Variants in APBA2 observed in about 807,000 individuals in gnomAD.
APBA2 encodes amyloid beta precursor protein binding family A member 2.
APBA2 carries 30 observed loss-of-function variants against 75.0 expected under a neutral mutation model. The observed-to-expected ratio is 0.40, with a 90% confidence interval of 0.30 to 0.54. The LOEUF is 0.54. APBA2 is among the 20% of genes least tolerant of loss of function. The pLI, the probability that APBA2 is intolerant of heterozygous loss-of-function variation, is 0.49. For missense variants in APBA2, 801 were observed against 1,016.1 expected (o/e 0.79, Z 2.88); for synonymous variants, 444 against 409.6 (o/e 1.08, Z -1.01).
At chr15:29,069,800 G>A (rs1443774985) in intron 4 of APBA2, among the ~76,000 whole-genome samples, 1 of 152,234 alleles carries the variant, frequency 6.6e-6, no homozygotes, top group African/African-American at 2.4e-5. Flanking sequence ...GGCCATGTGG[G>A]CCCACCTTTG....
intron 2 of APBA2, among the ~76,000 whole-genome samples, chr15:28,927,933 C>T (rs931388572): frequency 2.0e-5 from 3 of 151,082 alleles, no homozygotes; most frequent in African/African-American, 7.3e-5. Context: ...CACCTGAGGT[C>T]GGGTGTTTGA....
intron 2 of APBA2, among the ~76,000 whole-genome samples, chr15:28,992,447 C>T (rs1025993334): frequency 5.9e-5 from 9 of 152,208 alleles, no homozygotes; most frequent in East Asian, 1.9e-4. Context: ...GAAATTTGCA[C>T]GTAGAATAAT....
chr15:28,902,162 GA>G (rs1313024418), intron 1 of APBA2, among the ~76,000 whole-genome samples: 1 of 152,052 alleles, frequency 6.6e-6, no homozygotes, highest in Admixed American at 6.5e-5. Context: ...GCAGAAAGGG[GA>G]AGCAGAAACC....
chr15:29,061,441 C>T (rs745984602), intron 4 of APBA2, among the ~76,000 whole-genome samples: 1 of 152,122 alleles, frequency 6.6e-6, no homozygotes, highest in Non-Finnish European at 1.5e-5. Flanking sequence ...ACCAAATATG[C>T]GTTTTGATTA....
At chr15:29,039,266 C>T (rs573274034) in intron 3 of APBA2, among the ~76,000 whole-genome samples, 5 of 151,706 alleles carry the variant, frequency 3.3e-5, no homozygotes, top group South Asian at 2.1e-4. Context: ...TAAAGAAGGT[C>T]GTATCTTATT....
intron 3 of APBA2, among the ~76,000 whole-genome samples, chr15:29,002,766 C>T (rs1009588308): frequency 4.6e-5 from 7 of 151,682 alleles, no homozygotes; most frequent in Admixed American, 2.6e-4. Flanking sequence ...ACCTTCAGTT[C>T]GAGAATCAGC....
chr15:29,082,507 ACC>A (rs2043127123), intron 6 of APBA2, among the ~76,000 whole-genome samples: 1 of 151,006 alleles, frequency 6.6e-6, no homozygotes, highest in Non-Finnish European at 1.5e-5. Flanking sequence ...CATTTCCCCC[ACC>A]CCTCAGCCCC....
At chr15:28,923,716 G>A (rs1003328895) in intron 2 of APBA2, among the ~76,000 whole-genome samples, 2 of 152,196 alleles carry the variant, frequency 1.3e-5, no homozygotes, top group African/African-American at 4.8e-5. Context: ...GTCCTCCTCT[G>A]AGTGGCTGGG....
At chr15:28,951,638 G>A (rs541176392) in intron 2 of APBA2, among the ~76,000 whole-genome samples, 1 of 152,062 alleles carries the variant, frequency 6.6e-6, no homozygotes, top group African/African-American at 2.4e-5. Context: ...AGGCTGGAGT[G>A]CAGTGGCACG....
In APBA2 at chr15:28,893,444, G is replaced by A. The variant is rs140868058; in HGVS notation, c.-205+7166G>A. Among the ~76,000 whole-genome samples the A allele has an allele frequency of 2.8e-4, 43 of 152,306 alleles. No homozygotes were observed. In the East Asian group the frequency reaches 7.5e-3, roughly 27 times the overall value. ...GGTGATGAATGGACCGATTTTGGCC[G>A]CAGGTCCCTGCACTTCCCATCTGGC... On this transcript the variant is annotated intron_variant, in intron 1 of 14. Transcript: ENST00000683413.
intron 2 of APBA2, among the ~76,000 whole-genome samples, chr15:28,965,085 T>C (rs935085037): frequency 6.6e-6 from 1 of 152,092 alleles, no homozygotes; most frequent in Non-Finnish European, 1.5e-5. Context: ...ATTTTTTTTT[T>C]CTACATGTCT....
chr15:28,919,956 C>A (rs1209056772), intron 1 of APBA2, among the ~76,000 whole-genome samples: 1 of 152,154 alleles, frequency 6.6e-6, no homozygotes, highest in Non-Finnish European at 1.5e-5. Flanking sequence ...GACTCCCAGC[C>A]CGATGCTCCC....
intron 1 of APBA2, among the ~76,000 whole-genome samples, chr15:28,891,779 G>T (rs796786596): frequency 6.6e-6 from 1 of 152,146 alleles, no homozygotes; most frequent in South Asian, 2.1e-4. Flanking sequence ...GGCATTTTCA[G>T]TTGAGATATA....
chr15:28,982,187 G>GGGCC (rs1327504182), intron 2 of APBA2, among the ~76,000 whole-genome samples: 1 of 152,194 alleles, frequency 6.6e-6, no homozygotes, highest in Non-Finnish European at 1.5e-5. Context: ...AAGGAAAAGT[G>GGGCC]GGCCTTCCCC....
At chr15:28,955,989 C>T (rs1393622813) in intron 2 of APBA2, among the ~76,000 whole-genome samples, 2 of 152,208 alleles carry the variant, frequency 1.3e-5, no homozygotes, top group Non-Finnish European at 2.9e-5. Context: ...CACCCTGGCT[C>T]TGCTGACTTG....
At chr15:29,109,534 T>TCG (rs1196423275) in intron 13 of APBA2, among the ~76,000 whole-genome samples, 2 of 152,158 alleles carry the variant, frequency 1.3e-5, no homozygotes, top group Non-Finnish European at 2.9e-5. Flanking sequence ...GCTCTGTGTC[T>TCG]CGCTGGCACT....
chr15:29,109,738 C>T (rs969626101), intron 13 of APBA2, among the ~76,000 whole-genome samples: 3 of 152,250 alleles, frequency 2.0e-5, no homozygotes, highest in Admixed American at 1.3e-4. Context: ...GCCATACCTT[C>T]CCTGCTGTGT....
intron 4 of APBA2, among the ~76,000 whole-genome samples, chr15:29,068,923 C>T (rs11070422): frequency 0.92 from 139,900 of 152,034 alleles, 64,608 homozygotes; most frequent in East Asian, 1. Flanking sequence ...TGGCATTTAT[C>T]ACAATGTTGT....
At chr15:28,968,654 T>C (rs1486422940) in intron 2 of APBA2, among the ~76,000 whole-genome samples, 1 of 152,158 alleles carries the variant, frequency 6.6e-6, no homozygotes, top group East Asian at 1.9e-4. Context: ...AAATTGTGTC[T>C]CCCCAAAATT....
Sources: allele counts gnomAD v4.1 joint callset (sites outside exome capture counted in the v4.1 genomes callset), GRCh38; gene constraint gnomAD v4.1.1; transcripts MANE v1.5; gene names NCBI Gene and HGNC (gene_info 2026-07-23, HGNC 2026-07-21).